Variants in SFRP4 observed in about 807,000 individuals in gnomAD.
SFRP4 encodes secreted frizzled-related protein 4.
Under a neutral mutation model 36.3 loss-of-function variants are expected in SFRP4, and 25 were observed. That is an observed-to-expected ratio of 0.69 (90% confidence interval 0.50 to 0.96). SFRP4 has a LOEUF of 0.96. Ranked by LOEUF, SFRP4 falls within the 40% of genes least tolerant of loss-of-function variation. The pLI, the probability that SFRP4 is intolerant of heterozygous loss-of-function variation, is 0.00. For missense variants in SFRP4, 487 were observed against 459.6 expected, an observed-to-expected ratio of 1.06 and a Z score of -0.54; for synonymous variants, 182 against 168.8, an observed-to-expected ratio of 1.08 and a Z score of -0.60.
At chr7:37,910,504 A>C (rs1416131545) in intron 4 of SFRP4, among the ~76,000 whole-genome samples, 5 of 151,914 alleles carry the variant, frequency 3.3e-5, no homozygotes, top group Admixed American at 6.6e-5. Flanking sequence ...TTATATGTAT[A>C]ATATTATGCA....
chr7:37,916,648 G>T lies in SFRP4; in HGVS notation c.-111C>A, dbSNP rs1268191730. 1.4e-6 allele frequency: 2 copies of T among 1,436,642 alleles called. No individual in the cohort carries two copies. Among genetic ancestry groups the T allele is most frequent in the East Asian group, 2.5e-5 (1 of 40,000 alleles). The allele number at this position is 1,436,642 out of a possible 1,614,324, so 89.0% of individuals were successfully genotyped here. A position where few individuals can be genotyped will look rare whatever the true frequency, so the allele number is the denominator to read the frequency against. ...GAGGAAGAAATCCTCTGGGGCGCAG[G>T]AGAGTTTCTTCCCCCAAACTCCAGT... On this transcript the variant is annotated 5_prime_UTR_variant, in exon 1 of 6. Coordinates refer to ENST00000436072, the MANE Select transcript of SFRP4 (RefSeq NM_003014.4). This position sits in a 1 kb window ranked among gnomAD's most constrained non-coding sequence, Gnocchi z 4.1.
chr7:37,909,563 A>C, intron 5 of SFRP4, 54 bp downstream of exon 5: 1 of 1,022,458 alleles, frequency 9.8e-7, no homozygotes, highest in South Asian at 2.0e-5. Flanking sequence ...AACTCTAAAG[A>C]AATCTGTTAT....
At chr7:37,912,789 C>T (rs3807194) in intron 3 of SFRP4, among the ~76,000 whole-genome samples, 36,510 of 152,058 alleles carry the variant, frequency 0.24, 4,371 homozygotes, top group Admixed American at 0.25. Flanking sequence ...CTGAGGACTA[C>T]TGTTCTCAAT....
At position 37,909,621 on chromosome 7, in the gene SFRP4, G is replaced by A. The variant is rs780669813; in HGVS notation, c.851C>T (p.Ser284Phe). Residue 284 changes from serine to phenylalanine, a missense_variant, in exon 5 of 6, where the codon TCC becomes TTC. Ser to Phe is a radical substitution (Grantham distance 155). Coordinates refer to ENST00000436072, the MANE Select transcript of SFRP4 (RefSeq NM_003014.4). ...EKWRDQLSKRSIQWEERLQEQ... is the reference protein window; with the variant it reads ...EKWRDQLSKRFIQWEERLQEQ... ...AGCATTGTTCATGATACTTACTATG[G>A]ATCTTTTACTAAGCTGATCTCTCCA... 6.4e-7 allele frequency: 1 copy of A among 1,554,658 alleles called. No homozygotes were observed. The highest frequency in any genetic ancestry group is 8.7e-7 in the Non-Finnish European group (1 of 1,144,644).
chr7:37,908,227 T>G (rs1057351226), intron 5 of SFRP4, among the ~76,000 whole-genome samples: 2 of 152,192 alleles, frequency 1.3e-5, no homozygotes, highest in African/African-American at 4.8e-5. Flanking sequence ...TCCAGAACCA[T>G]TGGGAATTGA....
chr7:37,908,181 C>G (rs1352263952), intron 5 of SFRP4, among the ~76,000 whole-genome samples: 1 of 152,152 alleles, frequency 6.6e-6, no homozygotes, highest in African/African-American at 2.4e-5. Flanking sequence ...GACAGAGGCC[C>G]CTTCTACACC....
chr7:37,910,569 T>A (rs889080029), intron 4 of SFRP4, among the ~76,000 whole-genome samples: 3 of 152,080 alleles, frequency 2.0e-5, no homozygotes, highest in Non-Finnish European at 4.4e-5. Context: ...ACTTTTATGT[T>A]TACAAATTAC....
Position 37,916,299 on chromosome 7 carries a change from A to G in SFRP4, c.239T>C (p.Met80Thr), listed in dbSNP as rs1166818773. The G allele has an allele frequency of 1.9e-6, 3 of 1,614,220 alleles. No homozygotes were observed. Among genetic ancestry groups the G allele is most frequent in the South Asian group, 2.2e-5 (2 of 91,088 alleles). The change falls in exon 1 of 6, where the codon ATG (methionine) becomes ACG (threonine). Residue 80 changes from methionine to threonine, a missense_variant. Transcript: ENST00000436072. The surrounding 1 kb of genome is among the most constrained non-coding windows in gnomAD (Gnocchi z 4.1). Reference protein sequence around the residue: ...SAVLRFFLCAMYAPICTLEFL... With the variant: ...SAVLRFFLCATYAPICTLEFL... ...CTCCAGGGTGCAAATGGGCGCGTAC[A>G]TGGCACAGAGGAAGAAGCGCAGCAC...
At chr7:37,912,012 A>C (rs1583654502) in intron 4 of SFRP4, 107 bp downstream of exon 4, 1 of 809,728 alleles carries the variant, frequency 1.2e-6, no homozygotes, top group South Asian at 2.0e-5. Context: ...AATTTTTTTA[A>C]AAAGACTTTG....
Position 37,907,633 on chromosome 7 carries a change from C to A in SFRP4, c.887G>T (p.Arg296Ile), listed in dbSNP as rs1344120415. The change falls in exon 6 of 6, where the codon AGA becomes ATA. Residue 296 changes from arginine to isoleucine, a missense_variant. Transcript: ENST00000436072. ...TGTTTTCTTCTTGTCCTGAACTGTT[C>A]TCCGCTGTTCCTGCAGCCTCTCTTC... ...QWEERLQEQRRTVQDKKKTAG... is the reference protein window; with the variant it reads ...QWEERLQEQRITVQDKKKTAG... 11 of 1,612,208 alleles carry A rather than the reference C, an allele frequency of 6.8e-6. No individual in the cohort carries two copies. Among genetic ancestry groups the A allele is most frequent in the Non-Finnish European group, 9.3e-6 (11 of 1,179,430 alleles).
chr7:37,907,962 G>T (rs1017115737), intron 5 of SFRP4, among the ~76,000 whole-genome samples: 11 of 152,110 alleles, frequency 7.2e-5, no homozygotes, highest in Admixed American at 6.6e-4. Context: ...GCTGGTAAAT[G>T]TCAGAGTCAG....
chr7:37,915,016 C>G (rs1253400156), intron 1 of SFRP4, among the ~76,000 whole-genome samples: 3 of 152,172 alleles, frequency 2.0e-5, no homozygotes, highest in Non-Finnish European at 4.4e-5. Flanking sequence ...GAATGTATAT[C>G]CATTTAACCT....
Position 37,909,667 on chromosome 7 carries a change from C to A in SFRP4, c.805G>T (p.Glu269Ter), listed in dbSNP as rs1357940715. The change falls in exon 5 of 6, where the codon GAA becomes TAA. Residue 269 changes from glutamate to a stop codon, truncating the protein, a stop_gained. Coordinates refer to ENST00000436072, the MANE Select transcript of SFRP4 (RefSeq NM_003014.4). LOFTEE classifies it high-confidence loss of function. ...CTCCATTTTTCAACTAAGCAATTTT[C>A]AAGAAGCATCATCCTGAAAAAAAAT... ...YEWRSRMMLLENCLVEKWRDQ... is the reference protein window; with the variant it reads ...YEWRSRMMLL 6.3e-7 allele frequency: 1 copy of A among 1,577,388 alleles called. No individual in the cohort carries two copies. Among genetic ancestry groups the A allele is most frequent in the Non-Finnish European group, 8.6e-7 (1 of 1,158,450 alleles).
chr7:37,912,829 C>A (rs1031477505), intron 3 of SFRP4, among the ~76,000 whole-genome samples: 9 of 152,148 alleles, frequency 5.9e-5, no homozygotes, highest in Non-Finnish European at 5.9e-5. Flanking sequence ...ACAAAGTAGA[C>A]CCATGGTGAG....
intron 4 of SFRP4, among the ~76,000 whole-genome samples, chr7:37,911,655 G>T (rs1276581135): frequency 6.6e-6 from 1 of 152,092 alleles, no homozygotes; most frequent in East Asian, 1.9e-4. Flanking sequence ...CTTAAAGTGT[G>T]TGTGTGTGCA....
At chr7:37,912,864 T>C (rs1455557193) in intron 3 of SFRP4, among the ~76,000 whole-genome samples, 1 of 152,228 alleles carries the variant, frequency 6.6e-6, no homozygotes, top group Non-Finnish European at 1.5e-5. Flanking sequence ...TTATTACAGA[T>C]GGCTGTTAAT....
At position 37,914,296 on chromosome 7, in the gene SFRP4, G is replaced by C. The variant is rs373883127; in HGVS notation, c.527-18C>G. ...GCACCGATCTAAAAAAGGCAGAAGAGGCAGAAAGTTGGAAAAAGAACAGAA... is the reference window on the plus strand; with the variant it reads ...GCACCGATCTAAAAAAGGCAGAAGACGCAGAAAGTTGGAAAAAGAACAGAA... On this transcript the variant is annotated intron_variant, in intron 2 of 5. Transcript: ENST00000436072. 1.5e-4 allele frequency: 245 copies of C among 1,613,810 alleles called. No homozygotes were observed. The highest frequency in any genetic ancestry group is 2.0e-4 in the Non-Finnish European group (240 of 1,179,782).
chr7:37,912,339 A>G (rs1424001268), intron 3 of SFRP4, 22 bp from the exon 4 acceptor site: 1 of 1,602,852 alleles, frequency 6.2e-7, no homozygotes, highest in African/African-American at 1.3e-5. Flanking sequence ...AAATAGATAA[A>G]AGTGTTGTTG....
Position 37,912,243 on chromosome 7 carries a change from T to G in SFRP4, c.667A>C (p.Ile223Leu), listed in dbSNP as rs765416338. Residue 223 changes from isoleucine (I) to leucine (L), a missense_variant, in exon 4 of 6, where the codon ATC becomes CTC. Ile to Leu is a conservative substitution (Grantham distance 5). Coordinates refer to ENST00000436072, the MANE Select transcript of SFRP4 (RefSeq NM_003014.4). Reference protein sequence around the residue: ...EVTTVVDVKEIFKSSSPIPRT... With the variant: ...EVTTVVDVKELFKSSSPIPRT... ...GGGATGGGTGATGAGGACTTGAAGA[T>G]CTCTTTTACATCCACCACCGTTGTG... The G allele has an allele frequency of 6.2e-7, 1 of 1,614,150 alleles. No individual in the cohort carries two copies. Among genetic ancestry groups the G allele is most frequent in the South Asian group, 1.1e-5 (1 of 91,076 alleles).
Sources: gnomAD v4.1 joint callset for allele counts (sites outside exome capture counted in the v4.1 genomes callset) on GRCh38, gnomAD v4.1.1 for gene constraint, Gnocchi (gnomAD v3.1) non-coding constraint, MANE v1.5 for transcripts, NCBI Gene and HGNC (gene_info 2026-07-23, HGNC 2026-07-21) for gene names.